Variants in SLC71A1 observed in about 807,000 individuals in gnomAD.
SLC71A1 encodes the protein solute carrier family 71 member 1, also known as hippocampus abundant gene transcript 1.
At chr1:100,062,168 T>G in the SLC71A1 span, 1 of 421,190 alleles carries the variant, frequency 2.4e-6, no homozygotes, top group African/African-American at 2.1e-5. Context: ...ATAAGTCACA[T>G]GTCAGAATTG....
At chr1:100,051,196 T>C in the SLC71A1 span, among the ~76,000 whole-genome samples, 1 of 151,362 alleles carries the variant, frequency 6.6e-6, no homozygotes, top group Non-Finnish European at 1.5e-5. Flanking sequence ...ATTGAGACCA[T>C]CCTGACCAAC....
the SLC71A1 span, among the ~76,000 whole-genome samples, chr1:100,080,937 CTT>C: frequency 6.6e-6 from 1 of 152,132 alleles, no homozygotes; most frequent in Non-Finnish European, 1.5e-5. Context: ...TCTTTTGAAA[CTT>C]TTCTAATATC....
chr1:100,083,242 G>GTT, the SLC71A1 span: 1 of 152,382 alleles, frequency 6.6e-6, no homozygotes, highest in African/African-American at 2.4e-5. Context: ...AGTTTACACT[G>GTT]TTTTCATCTT....
the SLC71A1 span, among the ~76,000 whole-genome samples, chr1:100,051,700 C>G: frequency 6.6e-6 from 1 of 152,132 alleles, no homozygotes; most frequent in African/African-American, 2.4e-5. Flanking sequence ...CGCCAGCGTG[C>G]TTTTTATAAT....
chr1:100,058,768 C>T, the SLC71A1 span: 50 of 984,778 alleles, frequency 5.1e-5, no homozygotes, highest in Non-Finnish European at 6.5e-5. Context: ...TATATACATA[C>T]ATACACATAC....
chr1:100,053,531 TATATC>T, the SLC71A1 span, among the ~76,000 whole-genome samples: 5 of 152,206 alleles, frequency 3.3e-5, no homozygotes, highest in African/African-American at 4.8e-5. Context: ...CCTCAACAGT[TATATC>T]ATAGTTTGTT....
At chr1:100,063,908 G>C in the SLC71A1 span, among the ~76,000 whole-genome samples, 1 of 152,156 alleles carries the variant, frequency 6.6e-6, no homozygotes, top group Admixed American at 6.5e-5. Flanking sequence ...TGAAACAACT[G>C]TACTGACTTG....
At chr1:100,081,128 C>T in the SLC71A1 span, among the ~76,000 whole-genome samples, 2 of 152,106 alleles carry the variant, frequency 1.3e-5, no homozygotes, top group African/African-American at 4.8e-5. Context: ...GAGTTCTGTA[C>T]TTATCTTCCA....
chr1:100,065,735 T>TC, the SLC71A1 span, among the ~76,000 whole-genome samples: 15 of 150,862 alleles, frequency 9.9e-5, no homozygotes, highest in African/African-American at 3.4e-4. Context: ...ACCCTTTCCT[T>TC]CCCCTTTTCT....
the SLC71A1 span, among the ~76,000 whole-genome samples, chr1:100,067,159 C>T: frequency 6.6e-6 from 1 of 152,028 alleles, no homozygotes; most frequent in African/African-American, 2.4e-5. Flanking sequence ...ATCTCTTTTA[C>T]CTATGAATTT....
the SLC71A1 span, among the ~76,000 whole-genome samples, chr1:100,070,384 C>T: frequency 6.6e-6 from 1 of 152,152 alleles, no homozygotes; most frequent in African/African-American, 2.4e-5. Context: ...GTTGAGTGAA[C>T]AGTTGAGAGC....
At chr1:100,082,371 C>G in the SLC71A1 span, 1 of 605,700 alleles carries the variant, frequency 1.7e-6, no homozygotes, top group South Asian at 2.2e-5. Flanking sequence ...GAACTTAGAA[C>G]CAGACAGTTT....
At chr1:100,059,144 G>GTTTTTTTTTTTTTTTTTTT in the SLC71A1 span, among the ~76,000 whole-genome samples, 30 of 75,430 alleles carry the variant, frequency 4.0e-4, 4 homozygotes, top group African/African-American at 1.7e-3. Context: ...TCTTTTTCGT[G>GTTTTTTTTTTTTTTTTTTT]TTTTTTTTTT....
the SLC71A1 span, among the ~76,000 whole-genome samples, chr1:100,069,201 T>C: frequency 6.6e-6 from 1 of 152,208 alleles, no homozygotes; most frequent in African/African-American, 2.4e-5. Context: ...CCCCTTCACC[T>C]GCTCCAGCTT....
the SLC71A1 span, among the ~76,000 whole-genome samples, chr1:100,072,229 T>TA: frequency 6.6e-6 from 1 of 152,202 alleles, no homozygotes; most frequent in Non-Finnish European, 1.5e-5. Context: ...GACCAGTGTA[T>TA]TTCTCCCTCC....
chr1:100,074,602 C>T, the SLC71A1 span, among the ~76,000 whole-genome samples: 1 of 151,186 alleles, frequency 6.6e-6, no homozygotes, highest in African/African-American at 2.4e-5. Context: ...AAAGGCTGGG[C>T]ACGTGGTGGC....
At chr1:100,077,369 CTG>C in the SLC71A1 span, 24 of 673,372 alleles carry the variant, frequency 3.6e-5, no homozygotes, top group African/African-American at 2.8e-4. Flanking sequence ...AGACTGTAAT[CTG>C]TCTCATACTA....
the SLC71A1 span, among the ~76,000 whole-genome samples, chr1:100,055,814 G>A: frequency 2.2e-3 from 342 of 152,014 alleles, 4 homozygotes; most frequent in African/African-American, 8.0e-3. Flanking sequence ...GTGCAGTGGC[G>A]CGATCTCAGC....
At chr1:100,055,305 G>A in the SLC71A1 span, among the ~76,000 whole-genome samples, 1 of 151,356 alleles carries the variant, frequency 6.6e-6, no homozygotes. Flanking sequence ...TTAGCACAAG[G>A]ACTGGGAAAA....
Sources: gnomAD v4.1 joint callset for allele counts (sites outside exome capture counted in the v4.1 genomes callset) on GRCh38, gnomAD v4.1.1 for gene constraint, MANE v1.5 for transcripts, NCBI Gene and HGNC (gene_info 2026-07-23, HGNC 2026-07-21) for gene names.